Variants in SLTM observed in about 807,000 individuals in gnomAD.
SLTM encodes SAFB like transcription modulator.
In SLTM, 43 loss-of-function variants were observed where a neutral mutation model predicts 134.6. The ratio of observed to expected loss-of-function variants is 0.32; its 90% CI spans 0.25 to 0.41. The LOEUF (loss-of-function observed/expected upper bound fraction) is 0.41, where lower values mean the gene tolerates loss of function less well. Among genes scored for constraint, SLTM ranks in the 10% least tolerant of loss-of-function variants. SLTM has a pLI of 1.00. For synonymous variants in SLTM, 424 were observed against 432.3 expected, an observed-to-expected ratio of 0.98 and a Z score of 0.24; for missense variants, 1,055 against 1,288.8, an observed-to-expected ratio of 0.82 and a Z score of 2.78.
intron 5 of SLTM, among the ~76,000 whole-genome samples, 180 bp from the exon 6 acceptor site, chr15:58,901,467 G>T (rs1303873226): frequency 6.6e-6 from 1 of 152,178 alleles, no homozygotes; most frequent in Non-Finnish European, 1.5e-5. Context: ...AGAGAGATAT[G>T]TGGCACAAGT....
intron 3 of SLTM, 89 bp downstream of exon 3, chr15:58,916,846 T>C: frequency 9.6e-7 from 1 of 1,043,688 alleles, no homozygotes. Context: ...CATACTTCAG[T>C]GACCATTGTT....
At chr15:58,885,425 G>A (rs16940888) in intron 19 of SLTM, among the ~76,000 whole-genome samples, 7,542 of 152,220 alleles carry the variant, frequency 0.05, 447 homozygotes, top group African/African-American at 0.14. Context: ...CTCTGAATGC[G>A]GAGGGCTAGT....
chr15:58,879,583 A>C lies in SLTM; in HGVS notation c.*416T>G, dbSNP rs2033532659. 2 of 155,344 alleles carry C rather than the reference A, an allele frequency of 1.3e-5. No individual in the cohort carries two copies. Among genetic ancestry groups the C allele is most frequent in the African/African-American group, 4.8e-5 (2 of 41,522 alleles). 9.6% of individuals were successfully genotyped at this position (155,344 alleles called of 1,614,324 possible). The stretch of plus-strand genomic sequence containing the variant: ...TTATTCTCTAAAAATTAGACAGCTA[A>C]GACTTCTTAAGTGTAGACAGCCTTC... On this transcript the variant is annotated 3_prime_UTR_variant, in exon 21 of 21. Coordinates refer to ENST00000380516, the MANE Select transcript of SLTM (RefSeq NM_024755.4).
chr15:58,917,181 C>T (rs1439222458), intron 2 of SLTM, among the ~76,000 whole-genome samples, 182 bp from the exon 3 acceptor site: 1 of 152,228 alleles, frequency 6.6e-6, no homozygotes, highest in Admixed American at 6.5e-5. Flanking sequence ...CTATGTCATG[C>T]TGCTTCATTG....
chr15:58,915,013 G>A (rs1406579319), intron 3 of SLTM, among the ~76,000 whole-genome samples: 1 of 152,106 alleles, frequency 6.6e-6, no homozygotes, highest in Non-Finnish European at 1.5e-5. Context: ...CCAACATGGT[G>A]AAACCCCGTC....
At chr15:58,926,696 C>G (rs1421909789) in intron 2 of SLTM, among the ~76,000 whole-genome samples, 1 of 151,520 alleles carries the variant, frequency 6.6e-6, no homozygotes, top group Non-Finnish European at 1.5e-5. Flanking sequence ...CTCACTGCAA[C>G]CTCCTCCTCC....
At chr15:58,896,871 G>T (rs1432055433) in intron 9 of SLTM, among the ~76,000 whole-genome samples, 1 of 152,126 alleles carries the variant, frequency 6.6e-6, no homozygotes, top group Non-Finnish European at 1.5e-5. Flanking sequence ...ATTAGTCCTT[G>T]GCTTAAATAG....
At chr15:58,889,322 A>G in intron 16 of SLTM, 108 bp downstream of exon 16, 1 of 1,417,918 alleles carries the variant, frequency 7.1e-7, no homozygotes, top group African/African-American at 1.4e-5. Context: ...CCTGTTGATC[A>G]TGACTTTTAT....
chr15:58,922,521 T>C (rs578177282), intron 2 of SLTM, among the ~76,000 whole-genome samples: 87 of 141,108 alleles, frequency 6.2e-4, no homozygotes, highest in African/African-American at 2.0e-3. Context: ...ACGTATAAAA[T>C]TTATACGTAT....
At chr15:58,932,470 C>G in intron 1 of SLTM, 27 bp from the exon 2 acceptor site, 1 of 1,452,084 alleles carries the variant, frequency 6.9e-7, no homozygotes, top group Non-Finnish European at 9.7e-7. Flanking sequence ...AGTTAATATG[C>G]TACACAATCT....
At chr15:58,924,655 G>A (rs2037334998) in intron 2 of SLTM, among the ~76,000 whole-genome samples, 1 of 152,166 alleles carries the variant, frequency 6.6e-6, no homozygotes, top group African/African-American at 2.4e-5. Flanking sequence ...TGAGAATTCT[G>A]AGGATTTTGG....
At chr15:58,933,168 C>A (rs1247975220) in intron 1 of SLTM, among the ~76,000 whole-genome samples, 2 of 151,718 alleles carry the variant, frequency 1.3e-5, no homozygotes, top group African/African-American at 2.4e-5. Context: ...GGCGGAGGCA[C>A]GCTGGGCTGC....
chr15:58,932,685 T>C (rs1468969142), intron 1 of SLTM, among the ~76,000 whole-genome samples: 1 of 152,166 alleles, frequency 6.6e-6, no homozygotes, highest in African/African-American at 2.4e-5. Context: ...GTCAAGATAA[T>C]TAAATATCAC....
At chr15:58,931,689 T>C (rs1360866335) in intron 2 of SLTM, among the ~76,000 whole-genome samples, 2 of 152,204 alleles carry the variant, frequency 1.3e-5, no homozygotes, top group Non-Finnish European at 2.9e-5. Flanking sequence ...AAAACGTTCA[T>C]TTAAAACCAC....
At position 58,913,480 on chromosome 15, in the gene SLTM, A is replaced by C; in HGVS notation, c.513+19T>G. The C allele has an allele frequency of 6.3e-7, 1 of 1,576,906 alleles. No individual in the cohort carries two copies. The highest frequency in any genetic ancestry group is 8.6e-7 in the Non-Finnish European group (1 of 1,163,668). On this transcript the variant is annotated intron_variant, in intron 4 of 20. Transcript: ENST00000380516. ...CTTAATTTATCTGTGTCATGTTTTA[A>C]AAAAAACTGGCTAAAGACCTGACTT... is the stretch of plus-strand genomic sequence containing the variant.
At chr15:58,881,207 C>CT (rs1386962912) in intron 20 of SLTM, among the ~76,000 whole-genome samples, 1 of 151,852 alleles carries the variant, frequency 6.6e-6, no homozygotes, top group Non-Finnish European at 1.5e-5. Flanking sequence ...AAAGAAAAAA[C>CT]TTTAACAAAC....
At chr15:58,914,390 A>G (rs566428070) in intron 3 of SLTM, among the ~76,000 whole-genome samples, 14 of 152,346 alleles carry the variant, frequency 9.2e-5, no homozygotes, top group African/African-American at 3.4e-4. Flanking sequence ...AGATTTAAGA[A>G]AAGGTTTCTG....
chr15:58,930,997 C>G (rs1381415662), intron 2 of SLTM, among the ~76,000 whole-genome samples: 1 of 151,994 alleles, frequency 6.6e-6, no homozygotes, highest in Non-Finnish European at 1.5e-5. Context: ...ATACACAGTA[C>G]CTGTCAAACT....
In SLTM at chr15:58,899,449, A is replaced by C; in HGVS notation, c.1058+20T>G. Reference sequence around the variant, plus strand: ...ATGCTGGAATTCAGTATCGTAAAGAACTGACATAGAAAAACAAACCTCTTT... The same window carrying C: ...ATGCTGGAATTCAGTATCGTAAAGACCTGACATAGAAAAACAAACCTCTTT... On this transcript the variant is annotated intron_variant, in intron 7 of 20. Transcript: ENST00000380516. The surrounding 1 kb of genome is among the most constrained non-coding windows in gnomAD (Gnocchi z 5.0). 6.3e-7 allele frequency: 1 copy of C among 1,595,338 alleles called. No homozygotes were observed. The highest frequency in any genetic ancestry group is 8.6e-7 in the Non-Finnish European group (1 of 1,163,738).
Sources: gnomAD v4.1 joint callset for allele counts (sites outside exome capture counted in the v4.1 genomes callset) on GRCh38, gnomAD v4.1.1 for gene constraint, Gnocchi (gnomAD v3.1) non-coding constraint, MANE v1.5 for transcripts, NCBI Gene and HGNC (gene_info 2026-07-23, HGNC 2026-07-21) for gene names.